Variants in IGF2BP1 observed in about 807,000 individuals in gnomAD.
The protein encoded by IGF2BP1 is insulin like growth factor 2 mRNA binding protein 1, also known as insulin-like growth factor 2 mRNA-binding protein 1.
A neutral mutation model predicts 74.9 loss-of-function variants in IGF2BP1; 11 were observed. The ratio of observed to expected loss-of-function variants is 0.15; its 90% confidence interval spans 0.09 to 0.24. The LOEUF is 0.24. IGF2BP1 is among the 10% of genes least tolerant of loss of function. The probability of loss-of-function intolerance (pLI) is 1.00; values close to 1 mark genes in which losing one functional copy is unlikely to be tolerated. For missense variants in IGF2BP1, 440 were observed against 757.4 expected (o/e 0.58, Z 4.92); for synonymous variants, 287 against 281.8 (o/e 1.02, Z -0.18).
intron 2 of IGF2BP1, among the ~76,000 whole-genome samples, chr17:49,002,921 T>C (rs964152135): frequency 2.0e-5 from 3 of 152,158 alleles, no homozygotes; most frequent in Admixed American, 1.3e-4. Context: ...ATGAGAGTTT[T>C]GTAAGGGCAG....
chr17:49,005,954 C>T (rs2041547414), intron 2 of IGF2BP1, among the ~76,000 whole-genome samples: 3 of 151,998 alleles, frequency 2.0e-5, no homozygotes, highest in South Asian at 2.1e-4. Context: ...CCCAGCTACT[C>T]GGGAGGCTGA....
chr17:49,051,873 G>A lies in IGF2BP1; in HGVS notation c.*2429G>A, dbSNP rs768252909. 6.0e-5 allele frequency: 9 copies of A among 150,526 alleles called. No homozygotes were observed. The highest frequency in any genetic ancestry group is 1.2e-4 in the African/African-American group (5 of 40,812). The allele number at this position is 150,526 out of a possible 1,614,324, so 9.3% of individuals were successfully genotyped here. ...TATTGTTTCATTTCAGTTCCGTCTTGCTATTCTTCCTAATCTATATCCATA... is the reference window on the plus strand; with the variant it reads ...TATTGTTTCATTTCAGTTCCGTCTTACTATTCTTCCTAATCTATATCCATA... On this transcript the variant is annotated 3_prime_UTR_variant, in exon 15 of 15. Coordinates refer to ENST00000290341, the MANE Select transcript of IGF2BP1 (RefSeq NM_006546.4).
intron 2 of IGF2BP1, among the ~76,000 whole-genome samples, chr17:49,022,493 G>T (rs527418879): frequency 6.6e-6 from 1 of 152,204 alleles, no homozygotes; most frequent in South Asian, 2.1e-4. Context: ...GCCTGGAGTG[G>T]GTTCCCAGGG....
Position 49,045,079 on chromosome 17 carries a change from T to C in IGF2BP1, c.1395+14T>C, listed in dbSNP as rs777760160. On this transcript the variant is annotated intron_variant, in intron 12 of 14. Transcript: ENST00000290341. ...GCCCAATTCAAGGTTTTGGTCTTTA[T>C]TGTTTTCCAAGCTGAACATGGAGGA... 3 of 1,611,168 alleles carry C rather than the reference T, an allele frequency of 1.9e-6. No homozygotes were observed. The highest frequency in any genetic ancestry group is 2.5e-6 in the Non-Finnish European group (3 of 1,177,366).
At chr17:49,048,067 A>C (rs1205062609) in intron 14 of IGF2BP1, among the ~76,000 whole-genome samples, 1 of 152,138 alleles carries the variant, frequency 6.6e-6, no homozygotes, top group African/African-American at 2.4e-5. Flanking sequence ...GAAAGGAGAC[A>C]TTCTGGTCTT....
At chr17:49,009,909 GTC>G (rs2041596004) in intron 2 of IGF2BP1, among the ~76,000 whole-genome samples, 2 of 151,948 alleles carry the variant, frequency 1.3e-5, no homozygotes, top group Non-Finnish European at 2.9e-5. Flanking sequence ...GTGAAACCCT[GTC>G]TCTACTAAAA....
intron 5 of IGF2BP1, 30 bp downstream of exon 5, chr17:49,032,003 C>A (rs775127625): frequency 1.9e-4 from 163 of 872,246 alleles, no homozygotes; most frequent in Non-Finnish European, 2.8e-4. Flanking sequence ...GGGCTGGGTG[C>A]GGTGGGGGGG....
chr17:49,039,119 G>C (rs973787937), intron 6 of IGF2BP1, among the ~76,000 whole-genome samples: 2 of 151,754 alleles, frequency 1.3e-5, no homozygotes, highest in African/African-American at 2.4e-5. Context: ...CTCGTGATCC[G>C]GCCGCCTCAG....
At chr17:49,027,853 GAAAAAAAAAAAAAAA>G (rs777784396) in intron 4 of IGF2BP1, among the ~76,000 whole-genome samples, 1 of 42,882 alleles carries the variant, frequency 2.3e-5, no homozygotes, top group African/African-American at 9.5e-5. Flanking sequence ...CTCTGTCTCA[GAAAAAAAAAAAAAAA>G]AAAAAAAAAA....
At chr17:49,005,540 G>A (rs1598122745) in intron 2 of IGF2BP1, among the ~76,000 whole-genome samples, 1 of 152,254 alleles carries the variant, frequency 6.6e-6, no homozygotes, top group East Asian at 1.9e-4. Context: ...TGTCTGATAT[G>A]GGATGGCTGG....
chr17:49,029,880 G>T (rs2041902329), intron 4 of IGF2BP1, among the ~76,000 whole-genome samples: 1 of 150,462 alleles, frequency 6.6e-6, no homozygotes, highest in Non-Finnish European at 1.5e-5. Context: ...ACCACCTTCT[G>T]AAGTGATTCT....
rs572644580 is a variant in IGF2BP1 at position 49,053,148 on chromosome 17, C to G, written c.*3704C>G. The stretch of plus-strand genomic sequence containing the variant: ...CAATCTTTTTTCCTTTTTCCTGACC[C>G]CCTCCTTCTGGAGGCAGTTGGGAGC... On this transcript the variant is annotated 3_prime_UTR_variant, in exon 15 of 15. Coordinates refer to ENST00000290341, the MANE Select transcript of IGF2BP1 (RefSeq NM_006546.4). The G allele has an allele frequency of 3.9e-5, 6 of 152,564 alleles. No individual in the cohort carries two copies. The highest frequency in any genetic ancestry group is 6.5e-5 in the Admixed American group (1 of 15,282). The allele number at this position is 152,564 out of a possible 1,614,324, so 9.5% of individuals were successfully genotyped here. A position where few individuals can be genotyped will look rare whatever the true frequency, so the allele number is the denominator to read the frequency against.
chr17:49,000,214 C>G (rs2041470767), intron 2 of IGF2BP1, among the ~76,000 whole-genome samples: 1 of 152,110 alleles, frequency 6.6e-6, no homozygotes, highest in Admixed American at 6.5e-5. Context: ...TTTGATCTTC[C>G]TCACCCCCCA....
chr17:49,004,769 T>C (rs1307700125), intron 2 of IGF2BP1: 2 of 152,216 alleles, frequency 1.3e-5, no homozygotes, highest in Admixed American at 6.5e-5. Context: ...CCCATCCATT[T>C]CCACCTTTCC....
intron 2 of IGF2BP1, chr17:49,004,623 A>G (rs1033471614): frequency 1.3e-5 from 2 of 152,218 alleles, no homozygotes; most frequent in Non-Finnish European, 2.9e-5. Flanking sequence ...GACCGAAACA[A>G]TAACAGAGGC....
intron 2 of IGF2BP1, among the ~76,000 whole-genome samples, chr17:49,018,761 G>C (rs1246106463): frequency 6.6e-6 from 1 of 151,972 alleles, no homozygotes; most frequent in East Asian, 1.9e-4. Context: ...GTTGATCCCT[G>C]TCTGGGGACA....
intron 6 of IGF2BP1, among the ~76,000 whole-genome samples, chr17:49,038,741 T>TGA (rs2042015821): frequency 6.6e-6 from 1 of 152,156 alleles, no homozygotes; most frequent in South Asian, 2.1e-4. Context: ...CTCATTTTGA[T>TGA]GAGTCAGCAA....
At chr17:49,019,927 TA>T (rs2144020362) in intron 2 of IGF2BP1, among the ~76,000 whole-genome samples, 3 of 61,608 alleles carry the variant, frequency 4.9e-5, no homozygotes, top group South Asian at 8.8e-4. Context: ...TATATATATA[TA>T]TATATATATA....
intron 5 of IGF2BP1, 41 bp downstream of exon 5, chr17:49,032,014 G>C (rs756531551): frequency 1.3e-6 from 2 of 1,508,964 alleles, no homozygotes; most frequent in Admixed American, 1.7e-5. Flanking sequence ...GGTGGGGGGG[G>C]GTTCTGTGAA....
Sources: allele counts gnomAD v4.1 joint callset (sites outside exome capture counted in the v4.1 genomes callset), GRCh38; gene constraint gnomAD v4.1.1; transcripts MANE v1.5; gene names NCBI Gene and HGNC (gene_info 2026-07-23, HGNC 2026-07-21).